The following SCAPER variants were observed in gnomAD, a reference collection of about 807,000 sequenced individuals.
SCAPER encodes S phase cyclin A-associated protein in the endoplasmic reticulum.
A neutral mutation model predicts 182.2 loss-of-function variants in SCAPER; 98 were observed. The ratio of observed to expected loss-of-function variants is 0.54; its 90% confidence interval spans 0.46 to 0.64. The LOEUF is 0.64. Ranked by LOEUF, SCAPER falls within the 30% of genes least tolerant of loss-of-function variation. The pLI is 0.00. For synonymous variants in SCAPER, 605 were observed against 564.6 expected (o/e 1.07, Z -1.01); for missense variants, 1,432 against 1,690.0 (o/e 0.85, Z 2.68).
intron 1 of SCAPER, among the ~76,000 whole-genome samples, chr15:76,884,522 A>AAACAAC (rs535777037): frequency 6.6e-6 from 1 of 152,140 alleles, no homozygotes; most frequent in Admixed American, 6.5e-5. Flanking sequence ...ATTGCTTAAC[A>AAACAAC]AACAACAACA....
chr15:76,855,823 G>A (rs1290713501), intron 4 of SCAPER: 1 of 422,896 alleles, frequency 2.4e-6, no homozygotes, highest in East Asian at 7.2e-5. Context: ...CTATTGCTGG[G>A]AGTGTAAATT....
At chr15:76,509,603 A>C (rs1014876736) in intron 23 of SCAPER, among the ~76,000 whole-genome samples, 7 of 152,206 alleles carry the variant, frequency 4.6e-5, no homozygotes, top group Admixed American at 2.0e-4. Context: ...AAATGTACTA[A>C]GTAGAAGGCC....
intron 20 of SCAPER, among the ~76,000 whole-genome samples, chr15:76,685,867 C>T (rs1187788912): frequency 2.0e-5 from 3 of 151,916 alleles, no homozygotes; most frequent in Non-Finnish European, 2.9e-5. Flanking sequence ...TAGCATAAAA[C>T]AGAGGTGACA....
At chr15:76,715,259 AC>A (rs2059827248) in intron 17 of SCAPER, among the ~76,000 whole-genome samples, 1 of 151,080 alleles carries the variant, frequency 6.6e-6, no homozygotes, top group Non-Finnish European at 1.5e-5. Context: ...AAGTAATTGC[AC>A]CCCCAGCACC....
rs573696850 is a variant in SCAPER, at chr15:76,688,918, G to A, written c.2508+12840C>T. The stretch of plus-strand genomic sequence containing the variant: ...GGCTGGAGTGCCCTGGCACGATCTC[G>A]GCTCACTGCAATCTCCACCTCCTGG... On this transcript the variant is annotated intron_variant, in intron 20 of 31. Transcript: ENST00000563290. Among the ~76,000 whole-genome samples the A allele has an allele frequency of 3.6e-5, 5 of 137,802 alleles. No homozygotes were observed. In the East Asian group the frequency reaches 6.3e-4, roughly 17 times the overall value. The allele number at this position is 137,802 out of a possible 152,430, so 90.4% of individuals were successfully genotyped here.
At chr15:76,615,403 G>A (rs891201802) in intron 22 of SCAPER, among the ~76,000 whole-genome samples, 3 of 149,806 alleles carry the variant, frequency 2.0e-5, no homozygotes, top group East Asian at 2.0e-4. Context: ...CTGAGATCGC[G>A]CCACTGCACT....
At chr15:76,871,594 A>G (rs62029242) in intron 2 of SCAPER, among the ~76,000 whole-genome samples, 3 of 119,568 alleles carry the variant, frequency 2.5e-5, no homozygotes, top group Admixed American at 1.8e-4. Flanking sequence ...TTTTTTTTAG[A>G]TGGAGTCTCA....
At chr15:76,817,201 C>T (rs140423324) in intron 5 of SCAPER, among the ~76,000 whole-genome samples, 1 of 152,286 alleles carries the variant, frequency 6.6e-6, no homozygotes, top group East Asian at 1.9e-4. Context: ...CACTGTTATG[C>T]AGCACATGAC....
At chr15:76,713,325 C>T (rs574762689) in intron 17 of SCAPER, among the ~76,000 whole-genome samples, 1 of 152,138 alleles carries the variant, frequency 6.6e-6, no homozygotes, top group Non-Finnish European at 1.5e-5. Context: ...AAGACACATG[C>T]ACACATATGT....
chr15:76,761,418 C>CTCACATTTAT (rs1390754015), intron 14 of SCAPER, among the ~76,000 whole-genome samples: 1 of 152,050 alleles, frequency 6.6e-6, no homozygotes, highest in East Asian at 1.9e-4. Flanking sequence ...AGTTAGAAAA[C>CTCACATTTAT]TAGTGTAGGC....
intron 2 of SCAPER, among the ~76,000 whole-genome samples, chr15:76,871,530 CAA>C (rs1008932980): frequency 3.3e-5 from 5 of 150,158 alleles, no homozygotes; most frequent in African/African-American, 7.3e-5. Context: ...GACTAATTAC[CAA>C]ATCCAAGGAG....
chr15:76,807,634 T>G (rs928898385), intron 5 of SCAPER, among the ~76,000 whole-genome samples: 75 of 151,662 alleles, frequency 4.9e-4, no homozygotes, highest in Middle Eastern at 3.4e-3. Context: ...CTGCACCCAC[T>G]AACTCGTCAT....
chr15:76,485,152 C>A (rs1036683880), intron 24 of SCAPER, among the ~76,000 whole-genome samples: 5 of 152,146 alleles, frequency 3.3e-5, no homozygotes, highest in African/African-American at 1.2e-4. Flanking sequence ...ATCTAGAAAA[C>A]CCCACAGTCT....
chr15:76,362,030 A>G (rs1302242358), intron 29 of SCAPER, among the ~76,000 whole-genome samples: 2 of 150,608 alleles, frequency 1.3e-5, no homozygotes, highest in Non-Finnish European at 3.0e-5. Flanking sequence ...CTGGAGTGCA[A>G]TGTGCAATCT....
At chr15:76,365,405 G>A (rs980653449) in intron 29 of SCAPER, among the ~76,000 whole-genome samples, 2 of 152,190 alleles carry the variant, frequency 1.3e-5, no homozygotes, top group Admixed American at 1.3e-4. Context: ...TCTATTCTGT[G>A]AGAAGAGTTA....
intron 5 of SCAPER, among the ~76,000 whole-genome samples, chr15:76,832,979 A>G (rs1292018894): frequency 6.6e-6 from 1 of 152,210 alleles, no homozygotes; most frequent in Non-Finnish European, 1.5e-5. Context: ...GAAACTGTCC[A>G]TGAAAATTTC....
rs185095378 is a variant in SCAPER at position 76,516,962 on chromosome 15, C to T, written c.2839-11988G>A. Among the ~76,000 whole-genome samples, 20 of 152,286 alleles carry T rather than the reference C, an allele frequency of 1.3e-4. No homozygotes were observed. The East Asian group carries it at 3.7e-3, about 28-fold the overall frequency. On this transcript the variant is annotated intron_variant, in intron 23 of 31. Transcript: ENST00000563290. The stretch of plus-strand genomic sequence containing the variant: ...CACAACAATCCTATGAGGTAGGATT[C>T]ATTAGCCCCATTATACAGATAAGGA...
intron 22 of SCAPER, among the ~76,000 whole-genome samples, chr15:76,612,315 G>A (rs2051073531): frequency 1.3e-5 from 2 of 152,130 alleles, no homozygotes; most frequent in Admixed American, 6.5e-5. Flanking sequence ...TCGGCTCACT[G>A]CAGCCTGGAC....
chr15:76,621,766 T>G lies in SCAPER; in HGVS notation c.2709A>C (p.Ala903=). 6.2e-7 allele frequency: 1 copy of G among 1,605,552 alleles called. No individual in the cohort carries two copies. Among genetic ancestry groups the G allele is most frequent in the East Asian group, 2.2e-5 (1 of 44,744 alleles). The change falls in exon 22 of 32, where the codon GCA becomes GCC. Residue 903 remains alanine (A), a splice_region_variant and synonymous_variant. Coordinates refer to ENST00000563290, the MANE Select transcript of SCAPER (RefSeq NM_020843.4). Reference sequence around the variant, plus strand: ...GAACTAAAATGTGGAATACTCACTTTGCTTTATAAGGTGAATCAGAGCCAG... The same window carrying G: ...GAACTAAAATGTGGAATACTCACTTGGCTTTATAAGGTGAATCAGAGCCAG... ...KNSGSDSPYK[A]KLQRLAKDLL...
Sources: gnomAD v4.1 joint callset for allele counts (sites outside exome capture counted in the v4.1 genomes callset) on GRCh38, gnomAD v4.1.1 for gene constraint, MANE v1.5 for transcripts, NCBI Gene and HGNC (gene_info 2026-07-23, HGNC 2026-07-21) for gene names.